MRC1: variants seen among roughly 807,000 people sequenced by gnomAD.
MRC1 encodes mannose receptor C-type 1, also known as macrophage mannose receptor 1.
Under a neutral mutation model 102.9 loss-of-function variants are expected in MRC1, and 62 were observed. The observed-to-expected ratio is 0.60, with a 90% CI of 0.49 to 0.74. MRC1 has a LOEUF of 0.74. MRC1 is among the 30% of genes least tolerant of loss of function. The pLI is 0.00. For missense variants in MRC1, 1,237 were observed against 862.8 expected, an observed-to-expected ratio of 1.43 and a Z score of -5.43; for synonymous variants, 457 against 298.4, an observed-to-expected ratio of 1.53 and a Z score of -5.48.
Position 17,809,410 on chromosome 10 carries a change from GCGT to G in MRC1, c.-54_-52del. The G allele has an allele frequency of 1.1e-6, 1 of 869,958 alleles. No individual in the cohort carries two copies. The highest frequency in any genetic ancestry group is 2.0e-6 in the Non-Finnish European group (1 of 499,102). The allele number at this position is 869,958 out of a possible 1,614,324, so 53.9% of individuals were successfully genotyped here. ...GGCAGTTGGGGGGCCTCGTTGTTTT[GCGT>G]CTTAGTTCCGCCCTCCTGTCCATCA... On this transcript the variant is annotated 5_prime_UTR_variant, in exon 1 of 30. Coordinates refer to ENST00000569591, the MANE Select transcript of MRC1 (RefSeq NM_002438.4).
chr10:17,884,995 A>T (rs1833571812), intron 21 of MRC1, among the ~76,000 whole-genome samples: 1 of 152,200 alleles, frequency 6.6e-6, no homozygotes, highest in Non-Finnish European at 1.5e-5. Flanking sequence ...GGCGCACAGA[A>T]TGGAGCCCTT....
chr10:17,827,828 C>T, intron 3 of MRC1, 113 bp downstream of exon 3: 1 of 735,512 alleles, frequency 1.4e-6, no homozygotes, highest in East Asian at 2.4e-5. Flanking sequence ...CATTTACGAC[C>T]TCATTGTACC....
chr10:17,879,853 G>A (rs1018452686), intron 19 of MRC1, 32 bp downstream of exon 19: 166 of 780,622 alleles, frequency 2.1e-4, no homozygotes, highest in Non-Finnish European at 3.7e-4. Context: ...AATTTGCTTT[G>A]TGGCGTGGCG....
intron 26 of MRC1, 115 bp from the exon 27 acceptor site, chr10:17,906,771 C>T (rs1833901612): frequency 1.3e-6 from 1 of 766,306 alleles, no homozygotes; most frequent in Admixed American, 1.8e-5. Context: ...AATTCTTCCC[C>T]TTAAGTGGAG....
At chr10:17,826,499 C>T (rs997230220) in intron 2 of MRC1, among the ~76,000 whole-genome samples, 230 of 149,114 alleles carry the variant, frequency 1.5e-3, no homozygotes, top group African/African-American at 5.6e-3. Flanking sequence ...AAGCTAAGAA[C>T]TTTTTCAAGT....
intron 17 of MRC1, among the ~76,000 whole-genome samples, chr10:17,875,959 T>G (rs1286478891): frequency 6.6e-6 from 1 of 152,256 alleles, no homozygotes; most frequent in East Asian, 1.9e-4. Flanking sequence ...ACAGCCATTC[T>G]TGCAGGAGTA....
chr10:17,900,382 T>A (rs1161664964), intron 24 of MRC1, among the ~76,000 whole-genome samples: 1 of 152,082 alleles, frequency 6.6e-6, no homozygotes, highest in Non-Finnish European at 1.5e-5. Flanking sequence ...TTCTCTCAGG[T>A]GTCCATGAAT....
At position 17,910,351 on chromosome 10, in the gene MRC1, T is replaced by A. The variant is rs2130729467; in HGVS notation, c.4257T>A (p.Pro1419=). The A allele has an allele frequency of 1.3e-6, 1 of 780,756 alleles. No homozygotes were observed. Among genetic ancestry groups the A allele is most frequent in the South Asian group, 1.3e-5 (1 of 74,600 alleles). The allele number at this position is 780,756 out of a possible 1,614,324, so 48.4% of individuals were successfully genotyped here. ...ATAAGAAAAGACGTGTGCACCTACC[T>A]CAAGAGGGCGCCTTTGAAAACACTC... ...FFYKKRRVHL[P]QEGAFENTLY... is the part of the protein sequence containing the mutation. Residue 1419 remains proline (P), a synonymous_variant, in exon 30 of 30, where the codon CCT becomes CCA. Coordinates refer to ENST00000569591, the MANE Select transcript of MRC1 (RefSeq NM_002438.4).
rs1439913754 is a variant in MRC1, at chr10:17,824,773, C to T, written c.463+1298C>T. ...AGGAGTTTAACTTGAGGAAGATTGGCGCTAAGAAATCGGATTTTTATTTTA... is the reference window on the plus strand; with the variant it reads ...AGGAGTTTAACTTGAGGAAGATTGGTGCTAAGAAATCGGATTTTTATTTTA... On this transcript the variant is annotated intron_variant, in intron 2 of 29. Transcript: ENST00000569591. Among the ~76,000 whole-genome samples the T allele has an allele frequency of 2.6e-5, 4 of 152,026 alleles. No homozygotes were observed. In the East Asian group the frequency reaches 7.7e-4, roughly 29 times the overall value.
intron 5 of MRC1, among the ~76,000 whole-genome samples, chr10:17,842,589 G>T (rs1257774668): frequency 6.6e-6 from 1 of 152,162 alleles, no homozygotes; most frequent in African/African-American, 2.4e-5. Context: ...TTAGGTGTCT[G>T]TCTACCTATT....
At chr10:17,858,503 T>C (rs1833128755) in intron 9 of MRC1, among the ~76,000 whole-genome samples, 1 of 152,218 alleles carries the variant, frequency 6.6e-6, no homozygotes, top group African/African-American at 2.4e-5. Context: ...ATTCTTTTTT[T>C]TTGAAATGAA....
At chr10:17,847,043 T>C (rs1838836241) in intron 6 of MRC1, among the ~76,000 whole-genome samples, 1 of 152,208 alleles carries the variant, frequency 6.6e-6, no homozygotes, top group African/African-American at 2.4e-5. Flanking sequence ...GACCTGGATG[T>C]TGGGTTTGAT....
chr10:17,851,379 A>AT (rs1838914059), intron 7 of MRC1, among the ~76,000 whole-genome samples: 3 of 151,464 alleles, frequency 2.0e-5, no homozygotes, highest in Admixed American at 6.6e-5. Context: ...AAAACCTAGA[A>AT]ATTTTTTTTT....
intron 1 of MRC1, 131 bp downstream of exon 1, chr10:17,809,657 A>G (rs1159657517): frequency 3.9e-6 from 3 of 776,436 alleles, no homozygotes; most frequent in Non-Finnish European, 4.7e-6. Flanking sequence ...TGCACCACGC[A>G]GTCCACGGCT....
intron 10 of MRC1, 73 bp from the exon 11 acceptor site, chr10:17,863,461 C>A (rs1179915719): frequency 6.4e-6 from 5 of 778,032 alleles, no homozygotes; most frequent in Non-Finnish European, 9.6e-6. Flanking sequence ...GAGATAGTTT[C>A]CACGTTGATA....
At chr10:17,832,372 C>G (rs1329340719) in intron 3 of MRC1, among the ~76,000 whole-genome samples, 3 of 150,466 alleles carry the variant, frequency 2.0e-5, no homozygotes, top group African/African-American at 7.5e-5. Flanking sequence ...CTGGCTAACA[C>G]CTTGAAACCC....
intron 28 of MRC1, among the ~76,000 whole-genome samples, chr10:17,908,399 C>T (rs1310727990): frequency 6.6e-6 from 1 of 151,918 alleles, no homozygotes. Context: ...CTCAGCCTCC[C>T]GAGTAGCTGG....
chr10:17,840,158 A>G (rs989234250), intron 4 of MRC1, among the ~76,000 whole-genome samples: 19 of 151,846 alleles, frequency 1.3e-4, no homozygotes, highest in Non-Finnish European at 2.8e-4. Flanking sequence ...TATGACTTCC[A>G]CATCAGTCCT....
intron 4 of MRC1, among the ~76,000 whole-genome samples, chr10:17,840,065 C>A (rs1226735486): frequency 3.4e-3 from 348 of 102,958 alleles, no homozygotes; most frequent in South Asian, 4.8e-3. Context: ...GACTCCAACT[C>A]AAAAAAAAAA....
Sources: gnomAD v4.1 joint callset for allele counts (sites outside exome capture counted in the v4.1 genomes callset) on GRCh38, gnomAD v4.1.1 for gene constraint, MANE v1.5 for transcripts, NCBI Gene and HGNC (gene_info 2026-07-23, HGNC 2026-07-21) for gene names.